The following PCBP4 variants were observed in gnomAD, a reference collection of about 807,000 sequenced individuals.
PCBP4 encodes the protein poly(rC) binding protein 4, also known as poly(rC)-binding protein 4.
A neutral mutation model predicts 46.2 loss-of-function variants in PCBP4; 24 were observed. The ratio of observed to expected loss-of-function variants is 0.52; its 90% CI spans 0.38 to 0.73. PCBP4 has a LOEUF of 0.73. PCBP4 is among the 30% of genes least tolerant of loss of function. The pLI is 0.00. For missense variants in PCBP4, 407 were observed against 537.0 expected (o/e 0.76, Z 2.39); for synonymous variants, 203 against 224.4 (o/e 0.90, Z 0.85).
rs770943167 is a variant in PCBP4 at position 51,959,101 on chromosome 3, T to C, written c.701-2A>G. The C allele has an allele frequency of 1.9e-6, 3 of 1,613,828 alleles. No homozygotes were observed. On this transcript the variant is annotated splice_acceptor_variant, in intron 11 of 13. Transcript: ENST00000461554. LOFTEE classifies it high-confidence loss of function. This position sits in a 1 kb window ranked among gnomAD's most constrained non-coding sequence, Gnocchi z 5.6. ...TGGTCTGTGTGCCGGGATCCAGTCC[T>C]GAGGGGGAGAAGAGGGACTGAGTGT...
At chr3:51,963,461 A>G (rs1700275450) in intron 1 of PCBP4, among the ~76,000 whole-genome samples, 1 of 152,200 alleles carries the variant, frequency 6.6e-6, no homozygotes, top group African/African-American at 2.4e-5. Context: ...AGGACTGACA[A>G]CTTGTCCAGA....
Position 51,958,016 on chromosome 3 carries a change from C to T in PCBP4, c.*45G>A, listed in dbSNP as rs1699903022. On this transcript the variant is annotated 3_prime_UTR_variant, in exon 14 of 14. Transcript: ENST00000461554. The surrounding 1 kb of genome is among the most constrained non-coding windows in gnomAD (Gnocchi z 5.4). ...GGGCGGGTAGGGTGCAGAGGCAGCCCCCTGCTGGTGGTCCTGCCTGCCCCT... is the reference window on the plus strand; with the variant it reads ...GGGCGGGTAGGGTGCAGAGGCAGCCTCCTGCTGGTGGTCCTGCCTGCCCCT... 3 of 1,498,966 alleles carry T rather than the reference C, an allele frequency of 2.0e-6. No homozygotes were observed. Among genetic ancestry groups the T allele is most frequent in the Non-Finnish European group, 2.7e-6 (3 of 1,123,898 alleles). 92.9% of individuals were successfully genotyped at this position (1,498,966 alleles called of 1,614,324 possible).
At chr3:51,965,806 G>C (rs757010301) in intron 1 of PCBP4, among the ~76,000 whole-genome samples, 10 of 152,136 alleles carry the variant, frequency 6.6e-5, no homozygotes, top group Non-Finnish European at 1.5e-4. Flanking sequence ...GTTTTACCAG[G>C]ACTAGGAGCT....
rs1181946081 is a variant in PCBP4, at chr3:51,958,133, C to T, written c.1140G>A (p.Ala380=). Residue 380 remains alanine, a synonymous_variant, in exon 14 of 14, where the codon GCG becomes GCA. Coordinates refer to ENST00000461554, the MANE Select transcript of PCBP4 (RefSeq NM_001174100.2). This position sits in a 1 kb window ranked among gnomAD's most constrained non-coding sequence, Gnocchi z 5.4. Reference sequence around the variant, plus strand: ...CTGCTGCCATCTTGGCAGTGTAGGCCGCCAAGCCCGGCGGCGGCCCTGGGG... The same window carrying T: ...CTGCTGCCATCTTGGCAGTGTAGGCTGCCAAGCCCGGCGGCGGCCCTGGGG... ...PASPGPPPGL[A]AYTAKMAAAN... The T allele has an allele frequency of 1.1e-5, 17 of 1,609,376 alleles. No homozygotes were observed. The highest frequency in any genetic ancestry group is 1.7e-5 in the Admixed American group (1 of 59,120).
At chr3:51,964,155 C>T (rs951499423) in intron 1 of PCBP4, among the ~76,000 whole-genome samples, 3 of 152,226 alleles carry the variant, frequency 2.0e-5, no homozygotes, top group African/African-American at 7.2e-5. Flanking sequence ...CCCCAGTGCC[C>T]ACTCCTCCTG....
In PCBP4 at chr3:51,958,056, T is replaced by G. The variant is rs550627921; in HGVS notation, c.*5A>C. ...TGCCTGCCCCTGCCTGTACCTCAGCTGGCCTCAGTAGGGGGAGAATTTCTG... is the reference window on the plus strand; with the variant it reads ...TGCCTGCCCCTGCCTGTACCTCAGCGGGCCTCAGTAGGGGGAGAATTTCTG... On this transcript the variant is annotated 3_prime_UTR_variant, in exon 14 of 14. Coordinates refer to ENST00000461554, the MANE Select transcript of PCBP4 (RefSeq NM_001174100.2). The surrounding 1 kb of genome is among the most constrained non-coding windows in gnomAD (Gnocchi z 5.4). The G allele has an allele frequency of 7.2e-6, 11 of 1,537,236 alleles. No individual in the cohort carries two copies. Among genetic ancestry groups the G allele is most frequent in the Non-Finnish European group, 9.6e-6 (11 of 1,143,402 alleles).
chr3:51,959,837 G>A lies in PCBP4; in HGVS notation c.516+58C>T, dbSNP rs1220857950. On this transcript the variant is annotated intron_variant, in intron 8 of 13. Coordinates refer to ENST00000461554, the MANE Select transcript of PCBP4 (RefSeq NM_001174100.2). This position sits in a 1 kb window ranked among gnomAD's most constrained non-coding sequence, Gnocchi z 5.6. ...CACAGGCATAGGGTTTGGGGTCCCC[G>A]ACAAGGCAGACCCAGGGCCCATCTC... The A allele has an allele frequency of 1.2e-5, 19 of 1,550,834 alleles. No homozygotes were observed. Among genetic ancestry groups the A allele is most frequent in the African/African-American group, 4.1e-5 (3 of 73,066 alleles).
Position 51,959,738 on chromosome 3 carries a change from G to T in PCBP4, c.517-87C>A. 1 of 1,458,272 alleles carries T rather than the reference G, an allele frequency of 6.9e-7. No individual in the cohort carries two copies. Among genetic ancestry groups the T allele is most frequent in the Non-Finnish European group, 9.3e-7 (1 of 1,070,280 alleles). The allele number at this position is 1,458,272 out of a possible 1,614,324, so 90.3% of individuals were successfully genotyped here. The stretch of plus-strand genomic sequence containing the variant: ...CCCAGTGGCCTCAGGCCCCCACCAT[G>T]ACCCCCAGGGAAATGCACATGATCC... On this transcript the variant is annotated intron_variant, in intron 8 of 13. Coordinates refer to ENST00000461554, the MANE Select transcript of PCBP4 (RefSeq NM_001174100.2). The surrounding 1 kb of genome is among the most constrained non-coding windows in gnomAD (Gnocchi z 5.6).
In PCBP4 at chr3:51,958,100, C is replaced by T; in HGVS notation, c.1173G>A (p.Gly391=). ...AYTAKMAAAN[G]SKKAERQKFS... ...ATTTCTGCCGCTCAGCCTTCTTGCT[C>T]CCATTAGCTGCTGCCATCTTGGCAG... Residue 391 remains glycine, a synonymous_variant, in exon 14 of 14, where the codon GGG becomes GGA. Coordinates refer to ENST00000461554, the MANE Select transcript of PCBP4 (RefSeq NM_001174100.2). The surrounding 1 kb of genome is among the most constrained non-coding windows in gnomAD (Gnocchi z 5.4). 6.3e-7 allele frequency: 1 copy of T among 1,588,268 alleles called. No individual in the cohort carries two copies. Among genetic ancestry groups the T allele is most frequent in the Non-Finnish European group, 8.6e-7 (1 of 1,168,562 alleles).
intron 1 of PCBP4, among the ~76,000 whole-genome samples, chr3:51,966,248 G>A (rs1193327826): frequency 6.6e-6 from 1 of 152,172 alleles, no homozygotes; most frequent in Non-Finnish European, 1.5e-5. Context: ...CAGGGTGTGT[G>A]GGCTGCCTGC....
At position 51,959,847 on chromosome 3, in the gene PCBP4, A is replaced by G. The variant is rs760548398; in HGVS notation, c.516+48T>C. 6.4e-6 allele frequency: 10 copies of G among 1,555,846 alleles called. No homozygotes were observed. Among genetic ancestry groups the G allele is most frequent in the Non-Finnish European group, 7.8e-6 (9 of 1,152,204 alleles). On this transcript the variant is annotated intron_variant, in intron 8 of 13. Coordinates refer to ENST00000461554, the MANE Select transcript of PCBP4 (RefSeq NM_001174100.2). This position sits in a 1 kb window ranked among gnomAD's most constrained non-coding sequence, Gnocchi z 5.6. ...GGGTTTGGGGTCCCCGACAAGGCAG[A>G]CCCAGGGCCCATCTCCTGCCCCCTC...
intron 1 of PCBP4, among the ~76,000 whole-genome samples, chr3:51,966,024 G>A (rs1420972180): frequency 2.0e-5 from 3 of 152,364 alleles, no homozygotes; most frequent in East Asian, 1.9e-4. Context: ...GAGAGGAAGG[G>A]AAATGTTTGT....
Position 51,960,403 on chromosome 3 carries a change from C to T in PCBP4, c.256-83G>A. The T allele has an allele frequency of 6.3e-7, 1 of 1,578,034 alleles. No homozygotes were observed. The highest frequency in any genetic ancestry group is 8.6e-7 in the Non-Finnish European group (1 of 1,156,208). ...TCAGGAGGGTACCCTTTCCCCAGTC[C>T]CACTTCAAGGGAACACTGCCCTGGG... is the stretch of plus-strand genomic sequence containing the variant. On this transcript the variant is annotated intron_variant, in intron 6 of 13. Transcript: ENST00000461554. The surrounding 1 kb of genome is among the most constrained non-coding windows in gnomAD (Gnocchi z 5.0).
In PCBP4 at chr3:51,959,125, G is replaced by A. The variant is rs1412126613; in HGVS notation, c.701-26C>T. On this transcript the variant is annotated intron_variant, in intron 11 of 13. Transcript: ENST00000461554. The surrounding 1 kb of genome is among the most constrained non-coding windows in gnomAD (Gnocchi z 5.6). ...CTGAGGGGGAGAAGAGGGACTGAGT[G>A]TGGTTCTGGGCCTTTCCCGCCCCAC... The A allele has an allele frequency of 6.2e-7, 1 of 1,613,720 alleles. No individual in the cohort carries two copies. Among genetic ancestry groups the A allele is most frequent in the East Asian group, 2.2e-5 (1 of 44,876 alleles).
At chr3:51,966,385 T>G (rs2106778976) in intron 1 of PCBP4, among the ~76,000 whole-genome samples, 1 of 152,162 alleles carries the variant, frequency 6.6e-6, no homozygotes, top group Non-Finnish European at 1.5e-5. Flanking sequence ...TTGAGGGGGC[T>G]CCAGGACCTG....
At chr3:51,962,471 A>G (rs1700226058) in intron 1 of PCBP4, among the ~76,000 whole-genome samples, 1 of 152,166 alleles carries the variant, frequency 6.6e-6, no homozygotes, top group Non-Finnish European at 1.5e-5. Flanking sequence ...GGGGGACCAG[A>G]ACCCTATGGG....
In PCBP4 at chr3:51,959,753, G is replaced by A; in HGVS notation, c.517-102C>T. On this transcript the variant is annotated intron_variant, in intron 8 of 13. Transcript: ENST00000461554. This position sits in a 1 kb window ranked among gnomAD's most constrained non-coding sequence, Gnocchi z 5.6. ...CCCCCACCATGACCCCCAGGGAAAT[G>A]CACATGATCCCTGGAGCTCATCATC... is the stretch of plus-strand genomic sequence containing the variant. 1.4e-6 allele frequency: 2 copies of A among 1,443,200 alleles called. No individual in the cohort carries two copies. Among genetic ancestry groups the A allele is most frequent in the South Asian group, 2.6e-5 (2 of 78,218 alleles). 89.4% of individuals were successfully genotyped at this position (1,443,200 alleles called of 1,614,324 possible).
At position 51,959,765 on chromosome 3, in the gene PCBP4, T is replaced by C. The variant is rs1211614201; in HGVS notation, c.517-114A>G. ...CCCCCAGGGAAATGCACATGATCCC[T>C]GGAGCTCATCATCCATCCCTGCAGC... On this transcript the variant is annotated intron_variant, in intron 8 of 13. Transcript: ENST00000461554. This position sits in a 1 kb window ranked among gnomAD's most constrained non-coding sequence, Gnocchi z 5.6. 2 of 1,469,508 alleles carry C rather than the reference T, an allele frequency of 1.4e-6. No individual in the cohort carries two copies. The highest frequency in any genetic ancestry group is 9.3e-7 in the Non-Finnish European group (1 of 1,079,336). The allele number at this position is 1,469,508 out of a possible 1,614,324, so 91.0% of individuals were successfully genotyped here. A position where few individuals can be genotyped will look rare whatever the true frequency, so the allele number is the denominator to read the frequency against.
At chr3:51,966,912 C>G (rs903664275) in intron 1 of PCBP4, among the ~76,000 whole-genome samples, 1 of 152,090 alleles carries the variant, frequency 6.6e-6, no homozygotes, top group Non-Finnish European at 1.5e-5. Flanking sequence ...TCCATACACC[C>G]CTGGCCTGGA....
Sources: allele counts gnomAD v4.1 joint callset (sites outside exome capture counted in the v4.1 genomes callset), GRCh38; gene constraint gnomAD v4.1.1; non-coding constraint Gnocchi (gnomAD v3.1); transcripts MANE v1.5; gene names NCBI Gene and HGNC (gene_info 2026-07-23, HGNC 2026-07-21).